The following BORCS5 variants were observed in gnomAD, a reference collection of about 807,000 sequenced individuals.
BORCS5 encodes the protein BLOC-1-related complex subunit 5.
A neutral mutation model predicts 22.1 loss-of-function variants in BORCS5; 17 were observed. The ratio of observed to expected loss-of-function variants is 0.77; its 90% CI spans 0.53 to 1.15. The LOEUF (loss-of-function observed/expected upper bound fraction) is 1.15, where lower values mean the gene tolerates loss of function less well. BORCS5 is among the 50% of genes most tolerant of loss of function. BORCS5 has a pLI of 0.00. For synonymous variants in BORCS5, 117 were observed against 99.8 expected, an observed-to-expected ratio of 1.17 and a Z score of -1.03; for missense variants, 247 against 253.2, an observed-to-expected ratio of 0.98 and a Z score of 0.17.
chr12:12,465,998 C>G lies in BORCS5; in HGVS notation c.*222C>G. On this transcript the variant is annotated 3_prime_UTR_variant, in exon 4 of 4. Coordinates refer to ENST00000314565, the MANE Select transcript of BORCS5 (RefSeq NM_058169.6). ...GAACCTAACCAGTTCTCGGTGATAA[C>G]TGAAGCTGGAACGTGTGAATTATTA... 1 of 508,294 alleles carries G rather than the reference C, an allele frequency of 2.0e-6. No homozygotes were observed. The highest frequency in any genetic ancestry group is 3.5e-6 in the Non-Finnish European group (1 of 287,562). 31.5% of individuals were successfully genotyped at this position (508,294 alleles called of 1,614,324 possible). A position where few individuals can be genotyped will look rare whatever the true frequency, so the allele number is the denominator to read the frequency against.
intron 3 of BORCS5, among the ~76,000 whole-genome samples, chr12:12,453,431 A>G (rs1025992632): frequency 5.3e-5 from 8 of 152,166 alleles, no homozygotes; most frequent in Non-Finnish European, 1.2e-4. Context: ...ACCTTCCTTT[A>G]GGATTAAAAA....
At chr12:12,463,436 GT>G (rs999825805) in intron 3 of BORCS5, among the ~76,000 whole-genome samples, 1 of 152,210 alleles carries the variant, frequency 6.6e-6, no homozygotes, top group African/African-American at 2.4e-5. Flanking sequence ...GCCAACAAAA[GT>G]CTCATAAAGC....
intron 2 of BORCS5, among the ~76,000 whole-genome samples, chr12:12,386,550 C>T (rs1863886590): frequency 6.7e-6 from 1 of 149,760 alleles, no homozygotes; most frequent in African/African-American, 2.5e-5. Flanking sequence ...GATCTTGGCT[C>T]ACTGCAACCT....
intron 2 of BORCS5, among the ~76,000 whole-genome samples, chr12:12,430,151 ATTTT>A (rs71061068): frequency 9.3e-6 from 1 of 107,746 alleles, no homozygotes; most frequent in African/African-American, 4.1e-5. Flanking sequence ...CTTAGAGAAA[ATTTT>A]TTTTTTTTTT....
chr12:12,363,796 G>C (rs1431477904), intron 2 of BORCS5, among the ~76,000 whole-genome samples: 3 of 152,026 alleles, frequency 2.0e-5, no homozygotes, highest in Non-Finnish European at 4.4e-5. Flanking sequence ...TACTCAGGAG[G>C]CTGAGGCAGG....
chr12:12,406,645 C>A (rs1463714429), intron 2 of BORCS5, among the ~76,000 whole-genome samples: 2 of 150,092 alleles, frequency 1.3e-5, no homozygotes. Flanking sequence ...AACAAACAAA[C>A]AAAAAAAAAA....
chr12:12,401,762 G>C (rs1222092690), intron 2 of BORCS5, among the ~76,000 whole-genome samples: 3 of 151,970 alleles, frequency 2.0e-5, no homozygotes, highest in Non-Finnish European at 4.4e-5. Context: ...GATATTGTTT[G>C]AAAACATCAT....
intron 1 of BORCS5, among the ~76,000 whole-genome samples, chr12:12,360,921 A>G (rs565704654): frequency 6.0e-4 from 92 of 152,154 alleles, no homozygotes; most frequent in African/African-American, 2.0e-3. Flanking sequence ...GGGTTTCGCC[A>G]TGTTGGCCAG....
intron 2 of BORCS5, among the ~76,000 whole-genome samples, chr12:12,414,455 G>A (rs1364647888): frequency 6.5e-5 from 6 of 91,984 alleles, no homozygotes; most frequent in Non-Finnish European, 1.4e-4. Flanking sequence ...CCTCCCTCCC[G>A]GACGGGGCGG....
At chr12:12,383,040 ATTC>A (rs1311633022) in intron 2 of BORCS5, among the ~76,000 whole-genome samples, 1 of 151,090 alleles carries the variant, frequency 6.6e-6, no homozygotes, top group Admixed American at 6.6e-5. Context: ...TTTTCTATAC[ATTC>A]TTGTCTATTT....
chr12:12,368,300 A>T (rs1863448107), intron 2 of BORCS5, among the ~76,000 whole-genome samples: 1 of 146,184 alleles, frequency 6.8e-6, no homozygotes, highest in Non-Finnish European at 1.5e-5. Context: ...TTTTTAATCT[A>T]CTGGTTAGTC....
At chr12:12,446,980 T>TGG (rs1290466298) in intron 3 of BORCS5, among the ~76,000 whole-genome samples, 1 of 152,198 alleles carries the variant, frequency 6.6e-6, no homozygotes, top group African/African-American at 2.4e-5. Flanking sequence ...TGTAGAAGTA[T>TGG]GAGCATTAGT....
intron 2 of BORCS5, among the ~76,000 whole-genome samples, chr12:12,376,061 C>T (rs1268772269): frequency 6.6e-6 from 1 of 152,128 alleles, no homozygotes; most frequent in Non-Finnish European, 1.5e-5. Flanking sequence ...CCTCGGCCTC[C>T]CAAAGTGTTG....
chr12:12,419,368 A>G (rs1020115860), intron 2 of BORCS5, among the ~76,000 whole-genome samples: 6 of 152,330 alleles, frequency 3.9e-5, no homozygotes, highest in Admixed American at 3.9e-4. Context: ...TGCAAAGGAC[A>G]TGAACTCATC....
intron 2 of BORCS5, among the ~76,000 whole-genome samples, chr12:12,412,194 G>A (rs1941753267): frequency 6.6e-6 from 1 of 152,098 alleles, no homozygotes; most frequent in Admixed American, 6.6e-5. Flanking sequence ...CATTGAACCT[G>A]TAAATCACTT....
chr12:12,451,005 A>C (rs375975647), intron 3 of BORCS5, among the ~76,000 whole-genome samples: 5 of 152,348 alleles, frequency 3.3e-5, no homozygotes, highest in African/African-American at 1.2e-4. Flanking sequence ...AAATCATTCT[A>C]ATATGATGTG....
chr12:12,405,007 C>G (rs1325068276), intron 2 of BORCS5, among the ~76,000 whole-genome samples: 1 of 152,152 alleles, frequency 6.6e-6, no homozygotes, highest in Non-Finnish European at 1.5e-5. Context: ...GGCCAGAGAA[C>G]TACTTTGTGT....
rs1049107933 is a variant in BORCS5 at position 12,448,889 on chromosome 12, A to G, written c.360+13104A>G. ...GTCTCCTGCTCATGCCCAATGTTCA[A>G]GCATGTTCCCTTACCCTGTATTCCT... On this transcript the variant is annotated intron_variant, in intron 3 of 3. Coordinates refer to ENST00000314565, the MANE Select transcript of BORCS5 (RefSeq NM_058169.6). 5.9e-5 allele frequency among the ~76,000 whole-genome samples: 9 copies of G among 152,322 alleles called. No homozygotes were observed. In the East Asian group the frequency reaches 1.2e-3, roughly 20 times the overall value.
intron 2 of BORCS5, among the ~76,000 whole-genome samples, chr12:12,368,622 T>TTTTA (rs61705812): frequency 1.3e-5 from 2 of 149,554 alleles, no homozygotes; most frequent in African/African-American, 5.0e-5. Flanking sequence ...TTTTTTTTTT[T>TTTTA]AATTTAGAGA....
Sources: allele counts gnomAD v4.1 joint callset (sites outside exome capture counted in the v4.1 genomes callset), GRCh38; gene constraint gnomAD v4.1.1; transcripts MANE v1.5; gene names NCBI Gene and HGNC (gene_info 2026-07-23, HGNC 2026-07-21).